The following SYT9 variants were observed in gnomAD, a reference collection of about 807,000 sequenced individuals.
SYT9 encodes the protein synaptotagmin 9.
A neutral mutation model predicts 48.4 loss-of-function variants in SYT9; 22 were observed. The observed-to-expected ratio is 0.45, with a 90% CI of 0.32 to 0.65. The LOEUF is 0.65. SYT9 is among the 30% of genes least tolerant of loss of function. The pLI is 0.03. For missense variants in SYT9, 577 were observed against 622.0 expected (o/e 0.93, Z 0.77); for synonymous variants, 265 against 245.0 (o/e 1.08, Z -0.76).
At chr11:7,370,655 A>C (rs894229059) in intron 3 of SYT9, among the ~76,000 whole-genome samples, 1 of 152,172 alleles carries the variant, frequency 6.6e-6, no homozygotes, top group Non-Finnish European at 1.5e-5. Flanking sequence ...AAGAAAACAC[A>C]TGCACAAGGA....
intron 3 of SYT9, among the ~76,000 whole-genome samples, chr11:7,379,381 C>T (rs189465460): frequency 1.3e-5 from 2 of 152,264 alleles, no homozygotes; most frequent in East Asian, 3.9e-4. Context: ...TTTTAAAGTA[C>T]ATGTGTTCCT....
At chr11:7,273,429 C>G (rs561156247) in intron 1 of SYT9, among the ~76,000 whole-genome samples, 2 of 151,832 alleles carry the variant, frequency 1.3e-5, no homozygotes. Context: ...TATGGCCCAA[C>G]TATATGTAGC....
intron 1 of SYT9, among the ~76,000 whole-genome samples, chr11:7,239,960 T>C (rs1362410856): frequency 1.3e-5 from 2 of 152,200 alleles, no homozygotes; most frequent in Admixed American, 6.5e-5. Context: ...CATGGCTGAT[T>C]ATATGAACTG....
At chr11:7,362,163 G>C (rs1203416869) in intron 3 of SYT9, among the ~76,000 whole-genome samples, 1 of 102,996 alleles carries the variant, frequency 9.7e-6, no homozygotes, top group Non-Finnish European at 1.9e-5. Context: ...ATTTTTTTTT[G>C]AGATGGAGTC....
intron 2 of SYT9, 24 bp from the exon 3 acceptor site, chr11:7,313,371 G>T (rs922556762): frequency 6.3e-7 from 1 of 1,582,714 alleles, no homozygotes; most frequent in Non-Finnish European, 8.6e-7. Context: ...TTATAACTTT[G>T]TTCTGTGTTG....
chr11:7,289,515 A>G (rs185745515), intron 1 of SYT9, among the ~76,000 whole-genome samples: 2 of 152,354 alleles, frequency 1.3e-5, no homozygotes, highest in Admixed American at 6.5e-5. Flanking sequence ...AAAAACATGA[A>G]TAAAAAACTC....
intron 1 of SYT9, among the ~76,000 whole-genome samples, chr11:7,270,035 A>AATGATAG (rs1175391632): frequency 3.3e-5 from 5 of 152,204 alleles, no homozygotes; most frequent in African/African-American, 1.2e-4. Flanking sequence ...AATAACAATG[A>AATGATAG]ATGATAGAGA....
At chr11:7,443,936 C>A (rs1847880733) in intron 6 of SYT9, among the ~76,000 whole-genome samples, 1 of 152,210 alleles carries the variant, frequency 6.6e-6, no homozygotes, top group Admixed American at 6.5e-5. Flanking sequence ...GTGGAAGCAG[C>A]CATTCCAGTT....
chr11:7,311,939 C>G (rs575206650), intron 2 of SYT9, among the ~76,000 whole-genome samples: 3 of 152,268 alleles, frequency 2.0e-5, no homozygotes, highest in East Asian at 3.9e-4. Flanking sequence ...TTCCCTCCCC[C>G]GCCCACCCAC....
rs1331940452 is a variant in SYT9, at chr11:7,381,435, GT to G, written c.1045-34604del. On this transcript the variant is annotated intron_variant, in intron 3 of 6. Coordinates refer to ENST00000318881, the MANE Select transcript of SYT9 (RefSeq NM_175733.4). The stretch of plus-strand genomic sequence containing the variant: ...TGAGCTCTTTACATTTACCTATATG[GT>G]TTCCCTCTCTGCCAGTTAGGGTCCT... Among the ~76,000 whole-genome samples the G allele has an allele frequency of 2.0e-5, 3 of 152,180 alleles. No homozygotes were observed. In the East Asian group the frequency reaches 5.8e-4, roughly 29 times the overall value.
At chr11:7,365,339 T>G (rs1181757686) in intron 3 of SYT9, among the ~76,000 whole-genome samples, 1 of 152,184 alleles carries the variant, frequency 6.6e-6, no homozygotes. Context: ...GAGCAATTTT[T>G]TGGTATTTTC....
At chr11:7,279,586 G>A (rs1402768512) in intron 1 of SYT9, among the ~76,000 whole-genome samples, 6 of 152,068 alleles carry the variant, frequency 3.9e-5, no homozygotes, top group Non-Finnish European at 1.5e-5. Context: ...AGATACTTTG[G>A]GGTATTTATT....
At chr11:7,391,798 C>T (rs113900470) in intron 3 of SYT9, among the ~76,000 whole-genome samples, 1,656 of 144,064 alleles carry the variant, frequency 0.011, 31 homozygotes, top group African/African-American at 0.037. Context: ...CGCCTGTAGT[C>T]CCAGCTACTC....
intron 1 of SYT9, among the ~76,000 whole-genome samples, chr11:7,294,658 A>C (rs1848760965): frequency 6.6e-6 from 1 of 152,222 alleles, no homozygotes; most frequent in South Asian, 2.1e-4. Flanking sequence ...TCTTTGGCTT[A>C]ATATTCTGCC....
chr11:7,392,414 G>C (rs1351117136), intron 3 of SYT9, among the ~76,000 whole-genome samples: 2 of 152,168 alleles, frequency 1.3e-5, no homozygotes, highest in East Asian at 1.9e-4. Context: ...GTTGGTTGTA[G>C]CTGTGTGGCT....
At chr11:7,379,069 G>T (rs1354108423) in intron 3 of SYT9, among the ~76,000 whole-genome samples, 1 of 152,078 alleles carries the variant, frequency 6.6e-6, no homozygotes, top group African/African-American at 2.4e-5. Context: ...AGTATTGGTA[G>T]ATTTGTAAAA....
intron 3 of SYT9, among the ~76,000 whole-genome samples, chr11:7,386,688 A>C (rs1850666817): frequency 6.6e-6 from 1 of 152,132 alleles, no homozygotes; most frequent in African/African-American, 2.4e-5. Context: ...GAACACTTTT[A>C]CACTGTTGGT....
At chr11:7,361,276 A>G (rs1024211869) in intron 3 of SYT9, among the ~76,000 whole-genome samples, 1 of 151,884 alleles carries the variant, frequency 6.6e-6, no homozygotes, top group Non-Finnish European at 1.5e-5. Flanking sequence ...GTAGCTTCTA[A>G]TTCTCATAAT....
rs1268421520 is a variant in SYT9, at chr11:7,417,944, A to G, written c.1166-13A>G. ...TATCCTCACAGTACTCCTGCTTCTC[A>G]TGGTCTGTCCAGATCCCTATGTGAA... On this transcript the variant is annotated splice_polypyrimidine_tract_variant and intron_variant, in intron 4 of 6. Transcript: ENST00000318881. The G allele has an allele frequency of 3.7e-6, 6 of 1,610,110 alleles. No homozygotes were observed. Among genetic ancestry groups the G allele is most frequent in the East Asian group, 4.5e-5 (2 of 44,834 alleles).
Sources: gnomAD v4.1 joint callset for allele counts (sites outside exome capture counted in the v4.1 genomes callset) on GRCh38, gnomAD v4.1.1 for gene constraint, MANE v1.5 for transcripts, NCBI Gene and HGNC (gene_info 2026-07-23, HGNC 2026-07-21) for gene names.